Variants in C12orf42 observed in about 807,000 individuals in gnomAD.
C12orf42 encodes chromosome 12 open reading frame 42, also known as uncharacterized protein C12orf42.
In C12orf42, 25 loss-of-function variants were observed where a neutral mutation model predicts 21.6. That is an observed-to-expected ratio of 1.16 (90% CI 0.84 to 1.62). C12orf42 has a LOEUF of 1.62. Among genes scored for constraint, C12orf42 ranks in the 40% most tolerant of loss-of-function variants. C12orf42 has a pLI of 0.00. For missense variants in C12orf42, 483 were observed against 459.3 expected (o/e 1.05, Z -0.47); for synonymous variants, 174 against 175.0 (o/e 0.99, Z 0.05).
At chr12:103,486,581 A>T (rs564155668) in intron 1 of C12orf42, among the ~76,000 whole-genome samples, 1 of 152,306 alleles carries the variant, frequency 6.6e-6, no homozygotes, top group South Asian at 2.1e-4. Context: ...CTATGAATCC[A>T]TCCGGTCCTG....
the C12orf42 span, among the ~76,000 whole-genome samples, chr12:103,183,099 T>C: frequency 6.6e-6 from 1 of 152,238 alleles, no homozygotes; most frequent in Admixed American, 6.5e-5. Context: ...CATTTCATTT[T>C]AAGACGGAAT....
chr12:103,157,710 G>A, the C12orf42 span, among the ~76,000 whole-genome samples: 15 of 152,182 alleles, frequency 9.9e-5, no homozygotes, highest in African/African-American at 3.4e-4. Context: ...TCCCAGCACC[G>A]TTTACCGAAT....
chr12:103,102,542 C>T, the C12orf42 span, among the ~76,000 whole-genome samples: 2 of 152,240 alleles, frequency 1.3e-5, no homozygotes, highest in Admixed American at 6.5e-5. Flanking sequence ...CCAGTAAAGT[C>T]CCTTCCTCAT....
the C12orf42 span, among the ~76,000 whole-genome samples, chr12:103,561,274 G>C: frequency 6.6e-6 from 1 of 152,130 alleles, no homozygotes; most frequent in Non-Finnish European, 1.5e-5. Context: ...TGTACATGAG[G>C]CTTCCTTCCA....
At chr12:103,132,840 C>T in the C12orf42 span, among the ~76,000 whole-genome samples, 18 of 152,296 alleles carry the variant, frequency 1.2e-4, no homozygotes, top group Non-Finnish European at 2.2e-4. Flanking sequence ...TACACATTCC[C>T]CGAAACGTCT....
the C12orf42 span, among the ~76,000 whole-genome samples, chr12:103,555,269 G>T: frequency 5.3e-5 from 8 of 152,268 alleles, 2 homozygotes; most frequent in Admixed American, 5.2e-4. Flanking sequence ...CATGGTGGAA[G>T]GCAAGAAGGA....
At chr12:103,313,564 C>G (rs2039172018) in intron 4 of C12orf42, among the ~76,000 whole-genome samples, 1 of 152,166 alleles carries the variant, frequency 6.6e-6, no homozygotes. Context: ...TCAGTTTTCC[C>G]ATTCATAAAA....
intron 4 of C12orf42, among the ~76,000 whole-genome samples, chr12:103,341,029 C>T (rs779207268): frequency 4.9e-5 from 7 of 142,314 alleles, no homozygotes; most frequent in Non-Finnish European, 7.5e-5. Flanking sequence ...AGGAGAATGG[C>T]GTGAACCAGG....
chr12:103,201,527 C>T, the C12orf42 span, among the ~76,000 whole-genome samples: 2 of 152,178 alleles, frequency 1.3e-5, no homozygotes, highest in Non-Finnish European at 2.9e-5. Context: ...TTTTGCTCAG[C>T]TCATGAGGCA....
At chr12:103,220,361 G>A in the C12orf42 span, among the ~76,000 whole-genome samples, 68 of 151,990 alleles carry the variant, frequency 4.5e-4, no homozygotes, top group Middle Eastern at 0.01. Context: ...AAACCTACAC[G>A]TTCTGCACAT....
intron 3 of C12orf42, among the ~76,000 whole-genome samples, chr12:103,374,003 G>T (rs1421259070): frequency 6.6e-6 from 1 of 152,170 alleles, no homozygotes; most frequent in Admixed American, 6.5e-5. Flanking sequence ...TGAGGCATAT[G>T]CAATGCAGTG....
Position 103,444,978 on chromosome 12 carries a change from C to T in C12orf42, c.78+33371G>A, listed in dbSNP as rs527377084. On this transcript the variant is annotated intron_variant, in intron 2 of 5. Coordinates refer to ENST00000548883, the MANE Select transcript of C12orf42 (RefSeq NM_198521.5). ...ATACTTGATTATAAAAAAGAACATA[C>T]GTAGATATCCATAAGTAATAAACCA... Among the ~76,000 whole-genome samples, 24 of 151,810 alleles carry T rather than the reference C, an allele frequency of 1.6e-4. No homozygotes were observed. In the East Asian group the frequency reaches 2.1e-3, roughly 13 times the overall value.
intron 5 of C12orf42, chr12:103,270,371 A>G (rs1051931213): frequency 2.0e-4 from 28 of 138,098 alleles, no homozygotes; most frequent in Admixed American, 2.2e-4. Flanking sequence ...GAAGAAAGGA[A>G]GGAAGGAAGG....
At chr12:103,060,268 A>T in the C12orf42 span, among the ~76,000 whole-genome samples, 1 of 152,194 alleles carries the variant, frequency 6.6e-6, no homozygotes, top group Admixed American at 6.5e-5. Flanking sequence ...TACAACTTAC[A>T]AGGGACATGA....
chr12:103,493,721 A>T (rs1412739577), intron 1 of C12orf42, among the ~76,000 whole-genome samples: 1 of 65,324 alleles, frequency 1.5e-5, no homozygotes, highest in Non-Finnish European at 3.6e-5. Context: ...AAAAGGGGAG[A>T]CAAAAAAAAA....
At chr12:103,464,669 G>T (rs1952982488) in intron 2 of C12orf42, among the ~76,000 whole-genome samples, 1 of 152,100 alleles carries the variant, frequency 6.6e-6, no homozygotes, top group Admixed American at 6.6e-5. Flanking sequence ...GTATTGCCTA[G>T]ATTTTCTTCT....
At chr12:103,340,206 C>T (rs930203212) in intron 4 of C12orf42, among the ~76,000 whole-genome samples, 2 of 152,118 alleles carry the variant, frequency 1.3e-5, no homozygotes, top group Non-Finnish European at 2.9e-5. Flanking sequence ...AGTGAGTTCT[C>T]CAGGAGTCTA....
chr12:103,290,108 C>T (rs1458533459), intron 4 of C12orf42, among the ~76,000 whole-genome samples: 2 of 152,116 alleles, frequency 1.3e-5, no homozygotes, highest in African/African-American at 2.4e-5. Context: ...AAATGAAAAG[C>T]AAACAATATG....
At chr12:103,317,121 G>T (rs190275906) in intron 4 of C12orf42, among the ~76,000 whole-genome samples, 1 of 152,282 alleles carries the variant, frequency 6.6e-6, no homozygotes, top group East Asian at 1.9e-4. Flanking sequence ...GAGTTCTAGG[G>T]CTGTGTCTTG....
Sources: allele counts gnomAD v4.1 joint callset (sites outside exome capture counted in the v4.1 genomes callset), GRCh38; gene constraint gnomAD v4.1.1; transcripts MANE v1.5; gene names NCBI Gene and HGNC (gene_info 2026-07-23, HGNC 2026-07-21).